Variants in UBAC2 observed in about 807,000 individuals in gnomAD.
UBAC2 encodes ubiquitin-associated domain-containing protein 2.
UBAC2 carries 26 observed loss-of-function variants against 44.0 expected under a neutral mutation model. That is an observed-to-expected ratio of 0.59 (90% CI 0.43 to 0.82). UBAC2 has a LOEUF of 0.82. Among genes scored for constraint, UBAC2 ranks in the 40% least tolerant of loss-of-function variants. UBAC2 has a pLI of 0.00. For missense variants in UBAC2, 329 were observed against 419.4 expected (o/e 0.78, Z 1.88); for synonymous variants, 155 against 154.3 (o/e 1.00, Z -0.04).
At chr13:99,318,277 C>T (rs1303549432) in intron 6 of UBAC2, among the ~76,000 whole-genome samples, 1 of 151,978 alleles carries the variant, frequency 6.6e-6, no homozygotes, top group Non-Finnish European at 1.5e-5. Context: ...GAGTGATTCT[C>T]CTGCCTTAGC....
chr13:99,237,069 T>C (rs2043242212), intron 1 of UBAC2, among the ~76,000 whole-genome samples: 1 of 152,166 alleles, frequency 6.6e-6, no homozygotes, highest in Admixed American at 6.5e-5. Flanking sequence ...TGCACTTCCA[T>C]GCTTATTGCA....
At chr13:99,291,075 C>T (rs981210253) in intron 4 of UBAC2, among the ~76,000 whole-genome samples, 3 of 152,058 alleles carry the variant, frequency 2.0e-5, no homozygotes, top group Non-Finnish European at 2.9e-5. Flanking sequence ...GTTCTGGGAC[C>T]GGAGAGTGTG....
At chr13:99,208,500 G>C (rs2042901273) in intron 1 of UBAC2, among the ~76,000 whole-genome samples, 1 of 152,228 alleles carries the variant, frequency 6.6e-6, no homozygotes, top group South Asian at 2.1e-4. Context: ...TTAGGTGATA[G>C]AAGTCTTGAA....
intron 4 of UBAC2, among the ~76,000 whole-genome samples, chr13:99,276,866 A>G (rs574221880): frequency 1.0e-3 from 159 of 152,288 alleles, no homozygotes; most frequent in African/African-American, 3.7e-3. Flanking sequence ...CACCAAATAC[A>G]TTTTTGTAGA....
intron 4 of UBAC2, among the ~76,000 whole-genome samples, chr13:99,297,065 A>C (rs1387817760): frequency 6.6e-6 from 1 of 152,200 alleles, no homozygotes; most frequent in African/African-American, 2.4e-5. Context: ...ACAGTCTTCC[A>C]ATGTGTCAAT....
chr13:99,283,437 T>C (rs548104959), intron 4 of UBAC2, among the ~76,000 whole-genome samples: 69 of 152,194 alleles, frequency 4.5e-4, no homozygotes, highest in Admixed American at 8.5e-4. Context: ...ATTTACCCTT[T>C]CTCTTAAGAA....
chr13:99,237,263 T>TACACAC (rs753374485), intron 1 of UBAC2, among the ~76,000 whole-genome samples: 3,104 of 90,390 alleles, frequency 0.034, 62 homozygotes, highest in Non-Finnish European at 0.049. Flanking sequence ...CGTATATATA[T>TACACAC]ATATATATAC....
At chr13:99,308,687 C>T (rs1025356196) in intron 4 of UBAC2, 1 of 152,198 alleles carries the variant, frequency 6.6e-6, no homozygotes, top group Non-Finnish European at 1.5e-5. Context: ...CCACAGATGT[C>T]ATTAGGTTCT....
chr13:99,235,745 C>T lies in UBAC2; in HGVS notation c.32-2682C>T, dbSNP rs145026469. On this transcript the variant is annotated intron_variant, in intron 1 of 8. Coordinates refer to ENST00000403766, the MANE Select transcript of UBAC2 (RefSeq NM_001144072.2). The stretch of plus-strand genomic sequence containing the variant: ...ATCCTAACCCTTTGGGAGGCTGAGG[C>T]GAGAGGATCACTTGAGGCTAGGAGT... 6.4e-3 allele frequency among the ~76,000 whole-genome samples: 966 copies of T among 151,996 alleles called. 6 individuals are homozygous for T. Among genetic ancestry groups the T allele is most frequent in the African/African-American group, 0.023 (936 of 41,452 alleles).
At chr13:99,309,004 G>A (rs978151022) in intron 4 of UBAC2, among the ~76,000 whole-genome samples, 9 of 152,180 alleles carry the variant, frequency 5.9e-5, no homozygotes, top group Middle Eastern at 6.8e-3. Flanking sequence ...CATTCTGGTG[G>A]GGTTTTGCCT....
At chr13:99,240,217 G>A (rs1045802774) in intron 2 of UBAC2, among the ~76,000 whole-genome samples, 1 of 152,174 alleles carries the variant, frequency 6.6e-6, no homozygotes, top group African/African-American at 2.4e-5. Flanking sequence ...GTGCTTTGCT[G>A]AGTGCAAGCC....
At chr13:99,332,903 A>C (rs1229565642) in intron 6 of UBAC2, among the ~76,000 whole-genome samples, 1 of 151,626 alleles carries the variant, frequency 6.6e-6, no homozygotes, top group Non-Finnish European at 1.5e-5. Context: ...TGCTTTTCAG[A>C]GGGTCTATGG....
chr13:99,305,718 G>A (rs756635473), intron 4 of UBAC2, among the ~76,000 whole-genome samples: 2 of 152,066 alleles, frequency 1.3e-5, no homozygotes, highest in African/African-American at 4.8e-5. Flanking sequence ...TGTCACTAAC[G>A]CGATACATAA....
intron 4 of UBAC2, among the ~76,000 whole-genome samples, chr13:99,264,870 A>G (rs929017396): frequency 6.6e-6 from 1 of 152,144 alleles, no homozygotes; most frequent in Non-Finnish European, 1.5e-5. Context: ...CAGGGAGGAA[A>G]ACCAAGAATG....
intron 6 of UBAC2, among the ~76,000 whole-genome samples, chr13:99,336,904 C>A (rs2044796560): frequency 6.6e-6 from 1 of 151,740 alleles, no homozygotes; most frequent in African/African-American, 2.4e-5. Flanking sequence ...GCCCATGGTG[C>A]CCCCCTTCCT....
chr13:99,375,596 G>GT (rs2045469137), intron 8 of UBAC2, among the ~76,000 whole-genome samples: 2 of 152,114 alleles, frequency 1.3e-5, no homozygotes. Flanking sequence ...AAAAACATTT[G>GT]TTTTTGACGC....
chr13:99,214,109 G>T (rs2042964572), intron 1 of UBAC2, among the ~76,000 whole-genome samples: 3 of 152,154 alleles, frequency 2.0e-5, no homozygotes, highest in Admixed American at 2.0e-4. Flanking sequence ...GTGAGCCACC[G>T]CACCTGGCCT....
chr13:99,238,636 G>A (rs1051692402), intron 2 of UBAC2, 82 bp downstream of exon 2: 1 of 1,318,132 alleles, frequency 7.6e-7, no homozygotes, highest in Non-Finnish European at 9.9e-7. Flanking sequence ...TCTTCCTGCT[G>A]TTAGTCCCTC....
chr13:99,297,808 TAA>T lies in UBAC2; in HGVS notation c.390-16277_390-16276del, dbSNP rs752253836. On this transcript the variant is annotated intron_variant, in intron 4 of 8. Transcript: ENST00000403766. ...CAGGACAGAGACTATCGGTTTAGAT[TAA>T]AAAAAAAAAAATTCCAGCTGTTTGC... Among the ~76,000 whole-genome samples, 360 of 144,150 alleles carry T rather than the reference TAA, an allele frequency of 2.5e-3. 4 individuals are homozygous for T. The highest frequency in any genetic ancestry group is 0.011 in the South Asian group (51 of 4,564). The allele number at this position is 144,150 out of a possible 152,430, so 94.6% of individuals were successfully genotyped here.
Sources: gnomAD v4.1 joint callset for allele counts (sites outside exome capture counted in the v4.1 genomes callset) on GRCh38, gnomAD v4.1.1 for gene constraint, MANE v1.5 for transcripts, NCBI Gene and HGNC (gene_info 2026-07-23, HGNC 2026-07-21) for gene names.